Variants in DOCK3 observed in about 807,000 individuals in gnomAD.
DOCK3 encodes the protein dedicator of cytokinesis 3, also known as dedicator of cytokinesis protein 3.
DOCK3 carries 60 observed loss-of-function variants against 265.6 expected under a neutral mutation model. The ratio of observed to expected loss-of-function variants is 0.23; its 90% CI spans 0.18 to 0.28. The LOEUF is 0.28. DOCK3 is among the 10% of genes least tolerant of loss of function. The pLI, the probability that DOCK3 is intolerant of heterozygous loss-of-function variation, is 1.00. For synonymous variants in DOCK3, 881 were observed against 938.0 expected (o/e 0.94, Z 1.11); for missense variants, 1,981 against 2,594.3 (o/e 0.76, Z 5.14).
intron 5 of DOCK3, among the ~76,000 whole-genome samples, chr3:51,047,023 T>C (rs2080803162): frequency 6.6e-6 from 1 of 152,078 alleles, no homozygotes. Flanking sequence ...CCAAAATGTA[T>C]AGGATGCAGG....
At chr3:51,194,543 T>C (rs896718946) in intron 12 of DOCK3, among the ~76,000 whole-genome samples, 1 of 152,188 alleles carries the variant, frequency 6.6e-6, no homozygotes, top group Non-Finnish European at 1.5e-5. Flanking sequence ...TTTATCTCTC[T>C]CTTTAGCTTT....
At chr3:50,924,613 G>T (rs553229136) in intron 4 of DOCK3, among the ~76,000 whole-genome samples, 8 of 152,334 alleles carry the variant, frequency 5.3e-5, no homozygotes, top group African/African-American at 1.7e-4. Flanking sequence ...CATGAATGGG[G>T]TCAAAAGTAT....
At chr3:51,039,065 G>A (rs564122515) in intron 5 of DOCK3, among the ~76,000 whole-genome samples, 6 of 151,708 alleles carry the variant, frequency 4.0e-5, no homozygotes, top group East Asian at 1.9e-4. Flanking sequence ...GCACGATCTC[G>A]GCTCACTGCA....
chr3:50,676,104 G>A (rs1182173587), intron 1 of DOCK3, among the ~76,000 whole-genome samples: 1 of 152,078 alleles, frequency 6.6e-6, no homozygotes, highest in Non-Finnish European at 1.5e-5. Context: ...CTATCATCTT[G>A]TTCAGTTAGA....
At chr3:51,221,825 A>T (rs942908647) in intron 14 of DOCK3, among the ~76,000 whole-genome samples, 1 of 152,170 alleles carries the variant, frequency 6.6e-6, no homozygotes, top group African/African-American at 2.4e-5. Flanking sequence ...GAGACCCGTC[A>T]TCAGGGCTAC....
intron 39 of DOCK3, 93 bp from the exon 40 acceptor site, chr3:51,350,195 C>G (rs905675803): frequency 8.9e-7 from 1 of 1,117,802 alleles, no homozygotes; most frequent in Non-Finnish European, 1.3e-6. Flanking sequence ...GCCATGATCC[C>G]TTTCCAGAAG....
At chr3:50,782,293 T>TTTTTTTTA (rs2041957609) in intron 2 of DOCK3, among the ~76,000 whole-genome samples, 1 of 135,006 alleles carries the variant, frequency 7.4e-6, no homozygotes, top group Admixed American at 7.9e-5. Context: ...CCTGTTATTT[T>TTTTTTTTA]TTTTTTTTTT....
At chr3:50,884,828 A>C (rs1024890701) in intron 3 of DOCK3, among the ~76,000 whole-genome samples, 1 of 151,752 alleles carries the variant, frequency 6.6e-6, no homozygotes, top group Non-Finnish European at 1.5e-5. Context: ...CAGTTTTCCT[A>C]TTATTAATAT....
intron 24 of DOCK3, among the ~76,000 whole-genome samples, chr3:51,271,300 A>C (rs546719324): frequency 6.6e-6 from 1 of 152,200 alleles, no homozygotes; most frequent in Non-Finnish European, 1.5e-5. Flanking sequence ...ACTGGGTGGC[A>C]TGTAAACAGC....
chr3:50,782,740 G>A lies in DOCK3; in HGVS notation c.121+3982G>A, dbSNP rs558860707. ...AGATTTTGGTGCACCCATCACCCGA[G>A]CAGTGTACACTGTACCCAATGTGTA... On this transcript the variant is annotated intron_variant, in intron 2 of 52. Coordinates refer to ENST00000266037, the MANE Select transcript of DOCK3 (RefSeq NM_004947.5). Among the ~76,000 whole-genome samples the A allele has an allele frequency of 7.2e-5, 11 of 152,026 alleles. No homozygotes were observed. In the South Asian group the frequency reaches 2.1e-3, roughly 29 times the overall value.
intron 9 of DOCK3, among the ~76,000 whole-genome samples, chr3:51,123,149 C>T (rs568872673): frequency 1.6e-4 from 25 of 152,202 alleles, no homozygotes; most frequent in Admixed American, 1.4e-3. Flanking sequence ...TTCCACTGCC[C>T]GGGAGGATAA....
At chr3:51,188,975 G>A (rs181132500) in intron 12 of DOCK3, among the ~76,000 whole-genome samples, 10 of 152,232 alleles carry the variant, frequency 6.6e-5, no homozygotes, top group South Asian at 2.1e-4. Flanking sequence ...GGGATTGCTG[G>A]ATCAAATGGT....
Position 50,886,397 on chromosome 3 carries a change from C to CT in DOCK3, c.163-3622dup, listed in dbSNP as rs932107555. ...GTTACGTGCAGTTGCTTTTTAAATC[C>CT]TTTTTTTAAAAAATTTTATTATTAT... On this transcript the variant is annotated intron_variant, in intron 3 of 52. Coordinates refer to ENST00000266037, the MANE Select transcript of DOCK3 (RefSeq NM_004947.5). Among the ~76,000 whole-genome samples the CT allele has an allele frequency of 3.9e-4, 59 of 151,464 alleles. 1 individual carries two copies. The highest frequency in any genetic ancestry group is 1.4e-3 in the African/African-American group (58 of 41,372).
At chr3:50,698,053 C>A (rs2035747679) in intron 1 of DOCK3, among the ~76,000 whole-genome samples, 1 of 152,234 alleles carries the variant, frequency 6.6e-6, no homozygotes, top group African/African-American at 2.4e-5. Flanking sequence ...ATAGTTAAGT[C>A]TTTAAAGTGT....
chr3:50,964,304 A>G (rs768932924), intron 5 of DOCK3, among the ~76,000 whole-genome samples: 2 of 152,230 alleles, frequency 1.3e-5, no homozygotes, highest in Non-Finnish European at 2.9e-5. Context: ...AAAAAGAATA[A>G]TAATCAATAT....
chr3:50,941,370 AAT>A (rs2076290790), intron 5 of DOCK3, among the ~76,000 whole-genome samples: 2 of 152,142 alleles, frequency 1.3e-5, no homozygotes, highest in African/African-American at 4.8e-5. Context: ...ATGAGATACT[AAT>A]ATATACCTGT....
chr3:51,364,911 T>C (rs1479392927), intron 49 of DOCK3, among the ~76,000 whole-genome samples: 2 of 152,276 alleles, frequency 1.3e-5, no homozygotes, highest in Non-Finnish European at 2.9e-5. Flanking sequence ...TGAAGCCAGA[T>C]AGTATGATGC....
intron 2 of DOCK3, among the ~76,000 whole-genome samples, chr3:50,814,249 G>T (rs1296146254): frequency 6.6e-6 from 1 of 152,022 alleles, no homozygotes; most frequent in Admixed American, 6.6e-5. Flanking sequence ...ATTATTAAAA[G>T]GAAGAAATTA....
intron 27 of DOCK3, among the ~76,000 whole-genome samples, chr3:51,299,340 C>A (rs1339540149): frequency 6.6e-6 from 1 of 152,048 alleles, no homozygotes; most frequent in Non-Finnish European, 1.5e-5. Context: ...GGATAGATTG[C>A]AGAAATTTTC....
Sources: gnomAD v4.1 joint callset for allele counts (sites outside exome capture counted in the v4.1 genomes callset) on GRCh38, gnomAD v4.1.1 for gene constraint, MANE v1.5 for transcripts, NCBI Gene and HGNC (gene_info 2026-07-23, HGNC 2026-07-21) for gene names.